Variants in ACSS3 observed in about 807,000 individuals in gnomAD.
The protein encoded by ACSS3 is acyl-CoA synthetase short-chain family member 3, mitochondrial.
Under a neutral mutation model 84.2 loss-of-function variants are expected in ACSS3, and 64 were observed. The ratio of observed to expected loss-of-function variants is 0.76; its 90% CI spans 0.62 to 0.94. ACSS3 has a LOEUF of 0.94. ACSS3 is among the 40% of genes least tolerant of loss of function. The probability of loss-of-function intolerance (pLI) is 0.00; values close to 1 mark genes in which losing one functional copy is unlikely to be tolerated. For synonymous variants in ACSS3, 317 were observed against 310.1 expected (o/e 1.02, Z -0.23); for missense variants, 815 against 867.6 (o/e 0.94, Z 0.76).
At chr12:81,209,189 A>G (rs2032482349) in intron 9 of ACSS3, among the ~76,000 whole-genome samples, 1 of 152,058 alleles carries the variant, frequency 6.6e-6, no homozygotes, top group Non-Finnish European at 1.5e-5. Context: ...AACATTTCCC[A>G]AGCACAGAAT....
intron 1 of ACSS3, among the ~76,000 whole-genome samples, chr12:81,099,044 T>C (rs544762413): frequency 2.0e-5 from 3 of 152,320 alleles, no homozygotes; most frequent in Middle Eastern, 3.4e-3. Context: ...AGAAACACTT[T>C]TGAATAGAAA....
At chr12:81,247,619 A>G (rs910574555) in intron 13 of ACSS3, among the ~76,000 whole-genome samples, 1 of 152,106 alleles carries the variant, frequency 6.6e-6, no homozygotes, top group African/African-American at 2.4e-5. Flanking sequence ...AGTTTTTATT[A>G]AGTATTTATA....
chr12:81,179,934 C>T (rs930515049), intron 8 of ACSS3, among the ~76,000 whole-genome samples: 1 of 152,164 alleles, frequency 6.6e-6, no homozygotes, highest in Non-Finnish European at 1.5e-5. Context: ...GTCATCTGCT[C>T]AGCTTCTGAG....
At position 81,134,945 on chromosome 12, in the gene ACSS3, A is replaced by G. The variant is rs773759730; in HGVS notation, c.586A>G (p.Ser196Gly). 2.5e-5 allele frequency: 40 copies of G among 1,607,396 alleles called. No homozygotes were observed. The East Asian group carries it at 3.1e-4, about 13-fold the overall frequency. The change falls in exon 3 of 16, where the codon AGT becomes GGT. Residue 196 changes from serine (S) to glycine (G), a missense_variant. Physicochemically the swap from Ser to Gly is moderately conservative, Grantham distance 56. Transcript: ENST00000548058. Reference protein sequence around the residue: ...LACARIGAIHSLIFGGFASKE... With the variant: ...LACARIGAIHGLIFGGFASKE... ...ATGTGCAAGGATAGGTGCCATCCAC[A>G]GTCTCATATTTGGAGGATTTGCTTC...
At chr12:81,082,009 A>T (rs1881009352) in intron 1 of ACSS3, among the ~76,000 whole-genome samples, 1 of 152,234 alleles carries the variant, frequency 6.6e-6, no homozygotes, top group South Asian at 2.1e-4. Flanking sequence ...GATGAAAGAG[A>T]TAGTGAAGGA....
At chr12:81,121,564 T>C (rs1407648117) in intron 2 of ACSS3, among the ~76,000 whole-genome samples, 12 of 152,124 alleles carry the variant, frequency 7.9e-5, no homozygotes, top group Admixed American at 3.3e-4. Context: ...TTTTTACAGC[T>C]TAGTACATAA....
chr12:81,081,979 A>G (rs1029231254), intron 1 of ACSS3, among the ~76,000 whole-genome samples: 2 of 152,344 alleles, frequency 1.3e-5, no homozygotes, highest in African/African-American at 4.8e-5. Flanking sequence ...CACCCACTGC[A>G]TGTACAGTAC....
chr12:81,203,060 T>C (rs2032180171), intron 9 of ACSS3, among the ~76,000 whole-genome samples: 1 of 152,122 alleles, frequency 6.6e-6, no homozygotes, highest in Admixed American at 6.5e-5. Flanking sequence ...TCCAAAGGCC[T>C]CAGAATGAGG....
chr12:81,131,301 G>T (rs1022399513), intron 2 of ACSS3, among the ~76,000 whole-genome samples: 1 of 151,884 alleles, frequency 6.6e-6, no homozygotes, highest in Non-Finnish European at 1.5e-5. Context: ...CTTTTATTTT[G>T]TTGAGCAGTG....
chr12:81,136,450 C>T (rs1246203210), intron 3 of ACSS3, among the ~76,000 whole-genome samples: 1 of 152,006 alleles, frequency 6.6e-6, no homozygotes, highest in Non-Finnish European at 1.5e-5. Context: ...TGGCTCACAA[C>T]CATAGTTTGC....
At chr12:81,186,697 G>T (rs1268050802) in intron 8 of ACSS3, among the ~76,000 whole-genome samples, 2 of 151,680 alleles carry the variant, frequency 1.3e-5, no homozygotes. Flanking sequence ...TTATCAAAAA[G>T]CAAAAGATAA....
intron 1 of ACSS3, among the ~76,000 whole-genome samples, chr12:81,080,640 A>C (rs1188540200): frequency 6.6e-6 from 1 of 152,182 alleles, no homozygotes; most frequent in Non-Finnish European, 1.5e-5. Context: ...CAGTAGTTTC[A>C]ATTTGAATCT....
chr12:81,217,134 G>T, intron 10 of ACSS3, 138 bp downstream of exon 10: 1 of 583,574 alleles, frequency 1.7e-6, no homozygotes, highest in Non-Finnish European at 3.0e-6. Context: ...AAAAATGAAT[G>T]CCTTAATTTT....
rs1424464898 is a variant in ACSS3 at position 81,258,585 on chromosome 12, T to C, written c.*3663T>C. 2.0e-5 allele frequency: 3 copies of C among 152,180 alleles called. No homozygotes were observed. Among genetic ancestry groups the C allele is most frequent in the Non-Finnish European group, 4.4e-5 (3 of 68,032 alleles). The allele number at this position is 152,180 out of a possible 1,614,324, so 9.4% of individuals were successfully genotyped here. A position where few individuals can be genotyped will look rare whatever the true frequency, so the allele number is the denominator to read the frequency against. ...TACTCTTCTATACTTTTATACACTA[T>C]ATATGTTAATCATTCTGTCTTTCAT... On this transcript the variant is annotated 3_prime_UTR_variant, in exon 16 of 16. Coordinates refer to ENST00000548058, the MANE Select transcript of ACSS3 (RefSeq NM_024560.4).
rs79018878 is a variant in ACSS3 at position 81,097,241 on chromosome 12, T to C, written c.312-12319T>C. Among the ~76,000 whole-genome samples, 624 of 152,320 alleles carry C rather than the reference T, an allele frequency of 4.1e-3. 5 individuals are homozygous for C. Among genetic ancestry groups the C allele is most frequent in the African/African-American group, 0.014 (593 of 41,574 alleles). ...GAATGCTTTTCTTTTCAGGACCAGA[T>C]TGAATATTTTTGGCTTTGCAGGCCA... is the stretch of plus-strand genomic sequence containing the variant. On this transcript the variant is annotated intron_variant, in intron 1 of 15. Coordinates refer to ENST00000548058, the MANE Select transcript of ACSS3 (RefSeq NM_024560.4).
At chr12:81,126,815 G>A (rs1885128588) in intron 2 of ACSS3, among the ~76,000 whole-genome samples, 1 of 152,060 alleles carries the variant, frequency 6.6e-6, no homozygotes, top group Non-Finnish European at 1.5e-5. Flanking sequence ...TGAAACCCAT[G>A]TGTGAAGAAA....
intron 8 of ACSS3, among the ~76,000 whole-genome samples, chr12:81,178,231 G>A (rs1342944384): frequency 1.1e-4 from 17 of 149,470 alleles, no homozygotes; most frequent in East Asian, 3.9e-4. Context: ...ACCAAACACC[G>A]CATGTTCTCA....
intron 5 of ACSS3, among the ~76,000 whole-genome samples, chr12:81,145,903 G>A (rs1023643822): frequency 2.0e-5 from 3 of 152,140 alleles, no homozygotes; most frequent in African/African-American, 7.2e-5. Flanking sequence ...GCGTGAGTGG[G>A]CTTTGCAAAG....
chr12:81,217,019 C>T lies in ACSS3; in HGVS notation c.1450+23C>T, dbSNP rs116341468. On this transcript the variant is annotated intron_variant, in intron 10 of 15. Coordinates refer to ENST00000548058, the MANE Select transcript of ACSS3 (RefSeq NM_024560.4). ...ATGGTAAGGAATGACCCTGATAATACGTAAAGTTAATAAATTTGGCATTTT... is the reference window on the plus strand; with the variant it reads ...ATGGTAAGGAATGACCCTGATAATATGTAAAGTTAATAAATTTGGCATTTT... The T allele has an allele frequency of 5.7e-4, 906 of 1,577,552 alleles. 6 individuals carry two copies. In the African/African-American group the frequency reaches 9.3e-3, roughly 16 times the overall value.
Sources: gnomAD v4.1 joint callset for allele counts (sites outside exome capture counted in the v4.1 genomes callset) on GRCh38, gnomAD v4.1.1 for gene constraint, MANE v1.5 for transcripts, NCBI Gene and HGNC (gene_info 2026-07-23, HGNC 2026-07-21) for gene names.